The following CEP76 variants were observed in gnomAD, a reference collection of about 807,000 sequenced individuals.
CEP76 encodes the protein centrosomal protein of 76 kDa.
A neutral mutation model predicts 83.3 loss-of-function variants in CEP76; 55 were observed. The observed-to-expected ratio is 0.66, with a 90% CI of 0.53 to 0.83. The LOEUF (loss-of-function observed/expected upper bound fraction) is 0.83. Among genes scored for constraint, CEP76 ranks in the 40% least tolerant of loss-of-function variants. CEP76 has a pLI of 0.00. For synonymous variants in CEP76, 270 were observed against 274.5 expected, an observed-to-expected ratio of 0.98 and a Z score of 0.16; for missense variants, 694 against 799.5, an observed-to-expected ratio of 0.87 and a Z score of 1.59.
chr18:12,674,894 A>G, intron 10 of CEP76, 141 bp from the exon 11 acceptor site: 1 of 502,786 alleles, frequency 2.0e-6, no homozygotes, highest in Non-Finnish European at 3.4e-6. Flanking sequence ...TAATAATTAT[A>G]GGGATACATA....
At chr18:12,662,126 T>C (rs1368329217) in exon 13 of CEP76, 1 of 450,498 alleles carries the variant, frequency 2.2e-6, no homozygotes, top group East Asian at 7.0e-5. Context: ...GCCCAAGCTT[T>C]TCCCAGACAC....
chr18:12,673,310 A>G lies in CEP76; in HGVS notation c.*55T>C. ...AAACCTCTAAATAGCTAAGTAATGT[A>G]CAATGTGTAAAATTCCAATTAAACA... On this transcript the variant is annotated 3_prime_UTR_variant, in exon 12 of 12. Transcript: ENST00000262127. The G allele has an allele frequency of 6.4e-7, 1 of 1,559,704 alleles. No homozygotes were observed. Among genetic ancestry groups the G allele is most frequent in the Admixed American group, 2.2e-5 (1 of 46,020 alleles).
intron 12 of CEP76, among the ~76,000 whole-genome samples, chr18:12,664,117 A>G (rs1407938092): frequency 6.6e-6 from 1 of 151,982 alleles, no homozygotes; most frequent in Non-Finnish European, 1.5e-5. Flanking sequence ...GTGAGCCGAG[A>G]TCGTGCCATT....
intron 6 of CEP76, among the ~76,000 whole-genome samples, chr18:12,694,435 T>C (rs1353607393): frequency 6.6e-6 from 1 of 152,076 alleles, no homozygotes; most frequent in Non-Finnish European, 1.5e-5. Context: ...GAACTAAACA[T>C]GGATGGCAAA....
intron 6 of CEP76, among the ~76,000 whole-genome samples, chr18:12,692,567 C>T (rs894392754): frequency 1.6e-4 from 25 of 152,160 alleles, no homozygotes; most frequent in Admixed American, 3.9e-4. Flanking sequence ...CAGACTCTTT[C>T]CCTACCTTAG....
intron 12 of CEP76, among the ~76,000 whole-genome samples, chr18:12,664,257 T>C (rs1290723196): frequency 6.6e-6 from 1 of 152,100 alleles, no homozygotes; most frequent in Non-Finnish European, 1.5e-5. Context: ...TTAAAACTTT[T>C]TGTAGGCCGG....
intron 8 of CEP76, 48 bp downstream of exon 8, chr18:12,686,214 A>G: frequency 1.4e-6 from 2 of 1,432,280 alleles, no homozygotes; most frequent in Non-Finnish European, 1.9e-6. Flanking sequence ...ACAAATTCAG[A>G]GTAACTATGA....
rs143042119 is a variant in CEP76, at chr18:12,697,329, G to A, written c.600C>T (p.Asp200=). Residue 200 remains aspartate, a synonymous_variant, in exon 5 of 12, where the codon GAC becomes GAT. Coordinates refer to ENST00000262127, the MANE Select transcript of CEP76 (RefSeq NM_024899.4). ...DPIHMVLIKT[D]IFGETTLVAS... is the part of the protein sequence containing the mutation. ...CTACTAAAGTCGTCTCACCAAATAT[G>A]TCTGTTTTGATTAGCACCATATGAA... 757 of 1,613,518 alleles carry A rather than the reference G, an allele frequency of 4.7e-4. No homozygotes were observed. The highest frequency in any genetic ancestry group is 6.1e-4 in the Non-Finnish European group (714 of 1,179,730).
chr18:12,692,140 A>C (rs1598650336), intron 6 of CEP76: 1 of 148,898 alleles, frequency 6.7e-6, no homozygotes, highest in South Asian at 2.1e-4. Flanking sequence ...ACATGGTGAA[A>C]CCCCATCTCA....
intron 6 of CEP76, among the ~76,000 whole-genome samples, chr18:12,691,695 T>C (rs1402727447): frequency 6.7e-6 from 1 of 150,354 alleles, no homozygotes; most frequent in Non-Finnish European, 1.5e-5. Flanking sequence ...CACCTTTTTT[T>C]CCTCAAAGAC....
chr18:12,701,263 TTGAGTACAAATTC>T (rs753007091), intron 1 of CEP76, 150 bp from the exon 2 acceptor site: 4 of 608,882 alleles, frequency 6.6e-6, no homozygotes, highest in Non-Finnish European at 1.1e-5. Context: ...AATGAATCTT[TTGAGTACAAATTC>T]TAGAAATAGT....
At chr18:12,698,716 A>G (rs1400562146) in intron 4 of CEP76, 1 of 418,002 alleles carries the variant, frequency 2.4e-6, no homozygotes. Flanking sequence ...GCATAACACT[A>G]TGCACATAAT....
At chr18:12,695,883 C>CACACA (rs1776159612) in intron 5 of CEP76, among the ~76,000 whole-genome samples, 2 of 150,552 alleles carry the variant, frequency 1.3e-5, no homozygotes, top group African/African-American at 5.0e-5. Context: ...CACACACACA[C>CACACA]ACTAAAAATT....
chr18:12,686,065 C>T, intron 8 of CEP76, 197 bp downstream of exon 8: 1 of 456,364 alleles, frequency 2.2e-6, no homozygotes, highest in African/African-American at 2.0e-5. Flanking sequence ...TTAATTTGTA[C>T]TATTTTTTAT....
chr18:12,667,653 C>T (rs1365588983), downstream of CEP76, among the ~76,000 whole-genome samples: 3 of 150,246 alleles, frequency 2.0e-5, no homozygotes, highest in South Asian at 2.1e-4. Context: ...CCCAGCTACT[C>T]GGGAGGCTGA....
At chr18:12,687,556 G>A (rs1415529929) in intron 7 of CEP76, among the ~76,000 whole-genome samples, 2 of 151,208 alleles carry the variant, frequency 1.3e-5, no homozygotes, top group African/African-American at 2.4e-5. Context: ...GGGTTCAAGC[G>A]ATTCTTGTGC....
intron 7 of CEP76, 110 bp downstream of exon 7, chr18:12,691,249 C>A: frequency 1.5e-6 from 1 of 665,246 alleles, no homozygotes; most frequent in Non-Finnish European, 2.3e-6. Context: ...TTTACAAATA[C>A]ACTTTTATTT....
At chr18:12,683,801 T>C (rs2039438338) in intron 8 of CEP76, among the ~76,000 whole-genome samples, 1 of 150,660 alleles carries the variant, frequency 6.6e-6, no homozygotes, top group South Asian at 2.1e-4. Flanking sequence ...CATAGAAAAA[T>C]GTTCATAGCA....
intron 12 of CEP76, chr18:12,662,284 C>A: frequency 2.6e-6 from 1 of 386,708 alleles, no homozygotes; most frequent in South Asian, 1.9e-5. Context: ...GCTATTTATA[C>A]TTTCAAAATG....
Sources: gnomAD v4.1 joint callset for allele counts (sites outside exome capture counted in the v4.1 genomes callset) on GRCh38, gnomAD v4.1.1 for gene constraint, MANE v1.5 for transcripts, NCBI Gene and HGNC (gene_info 2026-07-23, HGNC 2026-07-21) for gene names.